Variants in KCNJ15 observed in about 807,000 individuals in gnomAD.
The protein encoded by KCNJ15 is potassium inwardly rectifying channel subfamily J member 15, also known as ATP-sensitive inward rectifier potassium channel 15.
Under a neutral mutation model 23.0 loss-of-function variants are expected in KCNJ15, and 14 were observed. The ratio of observed to expected loss-of-function variants is 0.61; its 90% CI spans 0.40 to 0.95. The LOEUF (loss-of-function observed/expected upper bound fraction) is 0.95. KCNJ15 is among the 40% of genes least tolerant of loss of function. The pLI is 0.00. For synonymous variants in KCNJ15, 185 were observed against 183.2 expected (o/e 1.01, Z -0.08); for missense variants, 388 against 461.8 (o/e 0.84, Z 1.46).
intron 1 of KCNJ15, among the ~76,000 whole-genome samples, chr21:38,285,169 T>C (rs1983756846): frequency 6.6e-6 from 1 of 152,250 alleles, no homozygotes; most frequent in South Asian, 2.1e-4. Context: ...ATGAAGGCTC[T>C]TGTTGATTTG....
At chr21:38,286,185 G>C (rs1983881068) in intron 1 of KCNJ15, among the ~76,000 whole-genome samples, 1 of 152,210 alleles carries the variant, frequency 6.6e-6, no homozygotes, top group Non-Finnish European at 1.5e-5. Flanking sequence ...GGAGCTTGTA[G>C]TGAGCTGAGA....
At chr21:38,234,520 G>A (rs555305009) in intron 1 of KCNJ15, among the ~76,000 whole-genome samples, 104 of 152,328 alleles carry the variant, frequency 6.8e-4, no homozygotes, top group Non-Finnish European at 1.1e-3. Flanking sequence ...TTGTAACTTT[G>A]TGATCTGTTC....
chr21:38,253,391 C>T (rs1488665047), upstream of KCNJ15, among the ~76,000 whole-genome samples: 2 of 152,130 alleles, frequency 1.3e-5, no homozygotes, highest in South Asian at 2.1e-4. Context: ...CATTATGCTC[C>T]AAGACTCACC....
chr21:38,271,028 C>G (rs905121258), intron 1 of KCNJ15, among the ~76,000 whole-genome samples: 1 of 152,242 alleles, frequency 6.6e-6, no homozygotes, highest in Non-Finnish European at 1.5e-5. Context: ...CTGAGTCCAT[C>G]TGGACATTGG....
chr21:38,273,029 G>A (rs1002452071), intron 1 of KCNJ15, among the ~76,000 whole-genome samples: 6 of 152,184 alleles, frequency 3.9e-5, no homozygotes, highest in Non-Finnish European at 5.9e-5. Context: ...ATACAAATAA[G>A]TAACTTTCAG....
chr21:38,250,342 T>C (rs902771895), intron 1 of KCNJ15, among the ~76,000 whole-genome samples: 1 of 152,088 alleles, frequency 6.6e-6, no homozygotes, highest in African/African-American at 2.4e-5. Flanking sequence ...ATAAACTGTA[T>C]GGATTGATAG....
At chr21:38,242,622 T>G (rs1979087412) in intron 1 of KCNJ15, among the ~76,000 whole-genome samples, 1 of 152,178 alleles carries the variant, frequency 6.6e-6, no homozygotes, top group Non-Finnish European at 1.5e-5. Flanking sequence ...GTGCCTCTCC[T>G]GACACACGCC....
intron 1 of KCNJ15, among the ~76,000 whole-genome samples, chr21:38,263,648 G>A (rs1981156750): frequency 6.6e-6 from 1 of 152,074 alleles, no homozygotes; most frequent in African/African-American, 2.4e-5. Flanking sequence ...ACCCCACGGG[G>A]GATGCTTTGG....
At chr21:38,255,354 T>C (rs1980126587), upstream of KCNJ15, among the ~76,000 whole-genome samples, 5 of 152,380 alleles carry the variant, frequency 3.3e-5, no homozygotes, top group South Asian at 6.2e-4. Context: ...TTCATCGTTC[T>C]GCACCTCTGT....
At chr21:38,261,596 G>A (rs959416360) in intron 1 of KCNJ15, among the ~76,000 whole-genome samples, 3 of 152,146 alleles carry the variant, frequency 2.0e-5, no homozygotes, top group African/African-American at 7.2e-5. Flanking sequence ...AATGTTTCTT[G>A]TTTCATTGGC....
At chr21:38,284,712 C>A (rs1265214733) in intron 1 of KCNJ15, among the ~76,000 whole-genome samples, 2 of 152,180 alleles carry the variant, frequency 1.3e-5, no homozygotes, top group East Asian at 3.9e-4. Flanking sequence ...GCCCACAAAG[C>A]CACATGCAGG....
intron 1 of KCNJ15, among the ~76,000 whole-genome samples, chr21:38,287,054 T>C (rs1983985309): frequency 6.6e-6 from 1 of 151,692 alleles, no homozygotes; most frequent in Non-Finnish European, 1.5e-5. Context: ...CATTTTAATA[T>C]CATTGGTGTC....
intron 1 of KCNJ15, among the ~76,000 whole-genome samples, chr21:38,273,695 T>A (rs1248858355): frequency 6.6e-6 from 1 of 152,226 alleles, no homozygotes; most frequent in Non-Finnish European, 1.5e-5. Context: ...CTAAAAGATT[T>A]GTAGTAGCTC....
At chr21:38,244,114 TATTA>T (rs1015256421) in intron 1 of KCNJ15, among the ~76,000 whole-genome samples, 6 of 152,058 alleles carry the variant, frequency 3.9e-5, no homozygotes, top group Non-Finnish European at 8.8e-5. Context: ...TTATTTCTCC[TATTA>T]ATTTTTTTTT....
At chr21:38,251,482 T>C (rs1411048418) in intron 1 of KCNJ15, among the ~76,000 whole-genome samples, 5 of 152,180 alleles carry the variant, frequency 3.3e-5, no homozygotes, top group African/African-American at 1.2e-4. Flanking sequence ...AGTAGAAGTT[T>C]AAAGGACACT....
chr21:38,243,125 G>A (rs1055442779), intron 1 of KCNJ15, among the ~76,000 whole-genome samples: 1 of 151,852 alleles, frequency 6.6e-6, no homozygotes, highest in African/African-American at 2.4e-5. Flanking sequence ...AGAAAGTTAA[G>A]ATTTTGTGTG....
intron 1 of KCNJ15, chr21:38,237,222 T>C (rs1483192205): frequency 1.3e-5 from 2 of 152,200 alleles, no homozygotes; most frequent in Non-Finnish European, 2.9e-5. Flanking sequence ...ACTAAGAAAG[T>C]ATGGAAAGGT....
At chr21:38,232,690 ACTT>A (rs1422985839) in intron 1 of KCNJ15, among the ~76,000 whole-genome samples, 5 of 151,916 alleles carry the variant, frequency 3.3e-5, no homozygotes, top group South Asian at 2.1e-4. Flanking sequence ...TTCCCATATG[ACTT>A]CTTCTTTGAA....
intron 1 of KCNJ15, among the ~76,000 whole-genome samples, chr21:38,276,221 C>T (rs1385888218): frequency 6.6e-6 from 1 of 151,968 alleles, no homozygotes; most frequent in Non-Finnish European, 1.5e-5. Context: ...ATGCATCTCT[C>T]ACCTTTACGT....
Sources: gnomAD v4.1 joint callset for allele counts (sites outside exome capture counted in the v4.1 genomes callset) on GRCh38, gnomAD v4.1.1 for gene constraint, MANE v1.5 for transcripts, NCBI Gene and HGNC (gene_info 2026-07-23, HGNC 2026-07-21) for gene names.